Variants in TCF12 observed in about 807,000 individuals in gnomAD.
The protein encoded by TCF12 is transcription factor 12.
TCF12 carries 45 observed loss-of-function variants against 86.0 expected under a neutral mutation model. That is an observed-to-expected ratio of 0.52 (90% CI 0.41 to 0.67). The LOEUF is 0.67. TCF12 is among the 30% of genes least tolerant of loss of function. The pLI, the probability that TCF12 is intolerant of heterozygous loss-of-function variation, is 0.00. For synonymous variants in TCF12, 330 were observed against 299.6 expected (o/e 1.10, Z -1.05); for missense variants, 881 against 859.9 (o/e 1.02, Z -0.31).
intron 3 of TCF12, among the ~76,000 whole-genome samples, chr15:56,960,553 C>G (rs1210689372): frequency 1.3e-5 from 2 of 151,726 alleles, no homozygotes; most frequent in African/African-American, 4.8e-5. Context: ...CCTCAGCCTC[C>G]TCAGTAGCTA....
At chr15:57,290,620 A>C (rs561392621), downstream of TCF12, among the ~76,000 whole-genome samples, 19 of 152,314 alleles carry the variant, frequency 1.2e-4, no homozygotes, top group Non-Finnish European at 2.6e-4. Context: ...GCAGTTCTGA[A>C]GAAGGCCCAA....
At position 56,981,199 on chromosome 15, in the gene TCF12, T is replaced by C. The variant is rs554212535; in HGVS notation, c.148+60101T>C. ...TATATCTTGGTTTGTTATGTGCTGC[T>C]ATAACAGAATACCGGAGACTGGGTA... On this transcript the variant is annotated intron_variant, in intron 3 of 20. Coordinates refer to ENST00000333725, the MANE Select transcript of TCF12 (RefSeq NM_207037.2). Among the ~76,000 whole-genome samples the C allele has an allele frequency of 4.6e-5, 7 of 152,334 alleles. No individual in the cohort carries two copies. In the East Asian group the frequency reaches 1.2e-3, roughly 25 times the overall value.
chr15:57,257,821 C>T (rs937023931), intron 16 of TCF12, among the ~76,000 whole-genome samples: 1 of 151,964 alleles, frequency 6.6e-6, no homozygotes, highest in African/African-American at 2.4e-5. Flanking sequence ...TCCTTGTTCT[C>T]ATTAGTATTT....
chr15:57,070,489 A>C (rs1370454629), intron 4 of TCF12, among the ~76,000 whole-genome samples: 2 of 152,226 alleles, frequency 1.3e-5, no homozygotes, highest in Non-Finnish European at 2.9e-5. Context: ...AAATAAATAA[A>C]AACTCAGTGA....
At chr15:57,271,135 C>G (rs1398493925) in intron 18 of TCF12, among the ~76,000 whole-genome samples, 1 of 152,224 alleles carries the variant, frequency 6.6e-6, no homozygotes, top group Non-Finnish European at 1.5e-5. Flanking sequence ...TCTGGAGAAA[C>G]TGTCTGCTGC....
chr15:57,185,327 TA>T (rs1173549679), intron 6 of TCF12, among the ~76,000 whole-genome samples: 2 of 152,128 alleles, frequency 1.3e-5, no homozygotes, highest in Non-Finnish European at 2.9e-5. Flanking sequence ...ACTGAAGCAT[TA>T]AATGGAAATG....
chr15:56,939,966 T>TG (rs1272073345), intron 3 of TCF12, among the ~76,000 whole-genome samples: 84 of 120,094 alleles, frequency 7.0e-4, no homozygotes, highest in African/African-American at 2.5e-3. Context: ...TTTAATAGCG[T>TG]GTTTTTTTTT....
intron 8 of TCF12, among the ~76,000 whole-genome samples, chr15:57,217,854 ACACAGTTCTC>A (rs2058395099): frequency 6.6e-6 from 1 of 152,122 alleles, no homozygotes; most frequent in East Asian, 1.9e-4. Context: ...AAAGCTTTTT[ACACAGTTCTC>A]CAAGGATTGA....
intron 4 of TCF12, among the ~76,000 whole-genome samples, chr15:57,064,795 CAAAAAA>C (rs1177544594): frequency 6.4e-5 from 5 of 78,118 alleles, no homozygotes; most frequent in Admixed American, 5.6e-4. Flanking sequence ...GACTCCATCT[CAAAAAA>C]AAAAAAAAAA....
chr15:56,920,509 T>TGTGTGTGTGTGTGC (rs2059743177), intron 2 of TCF12, among the ~76,000 whole-genome samples: 1 of 151,346 alleles, frequency 6.6e-6, no homozygotes, highest in African/African-American at 2.4e-5. Context: ...TGTGTGTGTG[T>TGTGTGTGTGTGTGC]ATTATGTTCT....
At chr15:57,052,291 G>A (rs566200313) in intron 3 of TCF12, among the ~76,000 whole-genome samples, 15 of 152,170 alleles carry the variant, frequency 9.9e-5, no homozygotes, top group African/African-American at 3.6e-4. Context: ...TATGAAGGTT[G>A]CCTTGCAATG....
chr15:57,030,609 A>G (rs1269330138), intron 3 of TCF12, among the ~76,000 whole-genome samples: 1 of 152,206 alleles, frequency 6.6e-6, no homozygotes, highest in Non-Finnish European at 1.5e-5. Context: ...ATATGTGGAC[A>G]TAATTGAAAA....
intron 3 of TCF12, among the ~76,000 whole-genome samples, chr15:57,027,853 G>A (rs761712616): frequency 2.6e-5 from 4 of 152,066 alleles, no homozygotes; most frequent in Non-Finnish European, 5.9e-5. Context: ...CCCTGCACAC[G>A]CTCTCTTGCC....
In TCF12 at chr15:57,173,849, AG is replaced by A. The variant is rs1444044573; in HGVS notation, c.390+7385del. On this transcript the variant is annotated intron_variant, in intron 6 of 20. Transcript: ENST00000333725. ...TAGCCTCCTGAGTAGCTGGGACTAC[AG>A]GTGCCCGCCACCACGCCTGGCTAAT... Among the ~76,000 whole-genome samples, 46 of 152,012 alleles carry A rather than the reference AG, an allele frequency of 3.0e-4. 1 individual carries two copies. The highest frequency in any genetic ancestry group is 1.1e-3 in the African/African-American group (44 of 41,464).
chr15:57,009,237 T>C (rs2064671439), intron 3 of TCF12, among the ~76,000 whole-genome samples: 1 of 151,996 alleles, frequency 6.6e-6, no homozygotes, highest in Non-Finnish European at 1.5e-5. Context: ...GCCTCCCAAG[T>C]AGCTGGGAGG....
At chr15:57,123,681 G>C (rs1190634093) in intron 5 of TCF12, among the ~76,000 whole-genome samples, 9 of 151,984 alleles carry the variant, frequency 5.9e-5, no homozygotes, top group Admixed American at 5.9e-4. Context: ...GCCGGGTGCA[G>C]TGGCTCATGC....
intron 3 of TCF12, among the ~76,000 whole-genome samples, chr15:56,997,515 A>G (rs1275942867): frequency 6.6e-6 from 1 of 152,194 alleles, no homozygotes; most frequent in Non-Finnish European, 1.5e-5. Context: ...ACTACTTATT[A>G]GATATTGTGC....
At chr15:57,016,554 T>C (rs2065163449) in intron 3 of TCF12, among the ~76,000 whole-genome samples, 1 of 152,198 alleles carries the variant, frequency 6.6e-6, no homozygotes, top group Admixed American at 6.5e-5. Context: ...TAAGGCAAAT[T>C]AAATACATTT....
intron 3 of TCF12, among the ~76,000 whole-genome samples, chr15:57,046,450 TGTTTGTTTTTGAGATGGA>T (rs1436337242): frequency 6.6e-6 from 1 of 152,156 alleles, no homozygotes; most frequent in Non-Finnish European, 1.5e-5. Context: ...TTTGTTTGTT[TGTTTGTTTTTGAGATGGA>T]GTCTCACTCT....
Sources: allele counts gnomAD v4.1 joint callset (sites outside exome capture counted in the v4.1 genomes callset), GRCh38; gene constraint gnomAD v4.1.1; transcripts MANE v1.5; gene names NCBI Gene and HGNC (gene_info 2026-07-23, HGNC 2026-07-21).